PAN3: variants seen among roughly 807,000 people sequenced by gnomAD.
PAN3 encodes the protein PAN2-PAN3 deadenylation complex subunit PAN3.
A neutral mutation model predicts 96.2 loss-of-function variants in PAN3; 19 were observed. The ratio of observed to expected loss-of-function variants is 0.20; its 90% CI spans 0.14 to 0.29. The LOEUF (loss-of-function observed/expected upper bound fraction) is 0.29. Among genes scored for constraint, PAN3 ranks in the 10% least tolerant of loss-of-function variants. PAN3 has a pLI of 1.00. For synonymous variants in PAN3, 433 were observed against 406.6 expected (o/e 1.06, Z -0.78); for missense variants, 882 against 1,108.1 (o/e 0.80, Z 2.90).
chr13:28,144,738 T>C (rs1266149695), intron 1 of PAN3, among the ~76,000 whole-genome samples: 7 of 148,634 alleles, frequency 4.7e-5, no homozygotes, highest in Admixed American at 4.7e-4. Flanking sequence ...TTTTTTTTTT[T>C]TCCTCAGAGC....
intron 6 of PAN3, among the ~76,000 whole-genome samples, chr13:28,235,644 ATC>A (rs1883008637): frequency 6.6e-6 from 1 of 150,918 alleles, no homozygotes; most frequent in South Asian, 2.1e-4. Context: ...TGTGTTGAGT[ATC>A]TCATAATTTT....
chr13:28,214,192 A>G (rs1158741797), intron 5 of PAN3, among the ~76,000 whole-genome samples: 1 of 152,232 alleles, frequency 6.6e-6, no homozygotes, highest in African/African-American at 2.4e-5. Context: ...ATTCACTGCT[A>G]CGTTTTTAAC....
At chr13:28,163,966 G>A (rs1296852752) in intron 1 of PAN3, among the ~76,000 whole-genome samples, 2 of 152,004 alleles carry the variant, frequency 1.3e-5, no homozygotes, top group Admixed American at 6.6e-5. Context: ...AGTGGTGTGC[G>A]CCTGTAGTCC....
rs1886115743 is a variant in PAN3, at chr13:28,265,803, G to A, written c.1412-912G>A. Among the ~76,000 whole-genome samples, 2 of 21,702 alleles carry A rather than the reference G, an allele frequency of 9.2e-5. 1 individual carries two copies. Among genetic ancestry groups the A allele is most frequent in the Non-Finnish European group, 1.4e-4 (2 of 14,374 alleles). The allele number at this position is 21,702 out of a possible 152,430, so 14.2% of individuals were successfully genotyped here. The stretch of plus-strand genomic sequence containing the variant: ...CTGCGGACTGCAGTGGCGCAATCTC[G>A]GCTCACTGCAAGCTCCGCTTCCCGG... On this transcript the variant is annotated intron_variant, in intron 9 of 18. Coordinates refer to ENST00000380958, the MANE Select transcript of PAN3 (RefSeq NM_175854.8).
intron 1 of PAN3, among the ~76,000 whole-genome samples, chr13:28,154,137 C>G (rs1363459843): frequency 1.3e-5 from 2 of 152,142 alleles, no homozygotes; most frequent in Non-Finnish European, 2.9e-5. Flanking sequence ...TGTTGATATT[C>G]AAGTTTGTAG....
At chr13:28,142,236 A>G (rs749559371) in intron 1 of PAN3, among the ~76,000 whole-genome samples, 4 of 152,138 alleles carry the variant, frequency 2.6e-5, no homozygotes, top group Non-Finnish European at 4.4e-5. Context: ...TGGTAATTGT[A>G]TGGCTTTTTT....
At chr13:28,214,849 C>T (rs1880532354) in intron 5 of PAN3, 2 of 716,078 alleles carry the variant, frequency 2.8e-6, no homozygotes, top group South Asian at 2.8e-5. Context: ...GCTGACTGTG[C>T]TGTACTGATT....
chr13:28,278,552 A>C, intron 15 of PAN3, among the ~76,000 whole-genome samples: 1 of 152,284 alleles, frequency 6.6e-6, no homozygotes. Flanking sequence ...TCTATTATAA[A>C]TGTTTGAAAT....
At chr13:28,192,428 A>G (rs569116729) in intron 4 of PAN3, among the ~76,000 whole-genome samples, 1 of 152,310 alleles carries the variant, frequency 6.6e-6, no homozygotes, top group South Asian at 2.1e-4. Context: ...ACCTTCTGCT[A>G]ATGGTGAACT....
chr13:28,249,455 A>AT (rs530329855), intron 6 of PAN3, among the ~76,000 whole-genome samples: 1,603 of 147,792 alleles, frequency 0.011, 77 homozygotes, highest in Admixed American at 0.08. Context: ...GATTTTTATT[A>AT]TTTTTTTTTT....
At chr13:28,165,623 A>G (rs1055311422) in intron 1 of PAN3, among the ~76,000 whole-genome samples, 2 of 152,100 alleles carry the variant, frequency 1.3e-5, no homozygotes, top group African/African-American at 4.8e-5. Context: ...TGATTGTTCA[A>G]TTTCTTATTA....
At chr13:28,139,527 T>C (rs1869367392) in intron 1 of PAN3, among the ~76,000 whole-genome samples, 1 of 135,934 alleles carries the variant, frequency 7.4e-6, no homozygotes, top group Non-Finnish European at 1.6e-5. Flanking sequence ...TGTGTGTGTG[T>C]GTGTGTGTGT....
At chr13:28,226,229 TA>T in intron 6 of PAN3, among the ~76,000 whole-genome samples, 1 of 152,198 alleles carries the variant, frequency 6.6e-6, no homozygotes, top group Non-Finnish European at 1.5e-5. Context: ...ATATAATTAT[TA>T]AAAATAAAAA....
chr13:28,152,353 G>C (rs1262708837), intron 1 of PAN3, among the ~76,000 whole-genome samples: 2 of 152,134 alleles, frequency 1.3e-5, no homozygotes, highest in East Asian at 1.9e-4. Flanking sequence ...GGAAGGTGAG[G>C]GGGGTGGATC....
Position 28,261,442 on chromosome 13 carries a change from T to C in PAN3, c.1395T>C (p.Asp465=). The part of the protein sequence containing the change: ...NRHLITMAQI[D]QADMPAVPTE... ...ATTTAATAACAATGGCTCAAATTGA[T>C]CAAGCAGATATGCCAGGTAAAAAGC... Residue 465 remains aspartate, a synonymous_variant, in exon 9 of 19, where the codon GAT becomes GAC. Coordinates refer to ENST00000380958, the MANE Select transcript of PAN3 (RefSeq NM_175854.8). 1 of 1,610,922 alleles carries C rather than the reference T, an allele frequency of 6.2e-7. No individual in the cohort carries two copies. The highest frequency in any genetic ancestry group is 1.3e-5 in the African/African-American group (1 of 74,936).
At chr13:28,160,761 AGG>A (rs1872788769) in intron 1 of PAN3, among the ~76,000 whole-genome samples, 1 of 152,220 alleles carries the variant, frequency 6.6e-6, no homozygotes, top group South Asian at 2.1e-4. Context: ...AGAGTTTAAG[AGG>A]GAGAGATTGA....
At chr13:28,227,722 C>T (rs374000815) in intron 6 of PAN3, among the ~76,000 whole-genome samples, 4 of 151,966 alleles carry the variant, frequency 2.6e-5, no homozygotes, top group African/African-American at 7.3e-5. Context: ...GACAGTGGTG[C>T]GAAGTAGTAA....
intron 6 of PAN3, among the ~76,000 whole-genome samples, chr13:28,229,597 T>C (rs1882327043): frequency 6.6e-6 from 1 of 152,222 alleles, no homozygotes; most frequent in Non-Finnish European, 1.5e-5. Flanking sequence ...GAATTAGTTA[T>C]AACTTTTTGA....
chr13:28,282,265 C>A (rs1015168404), intron 17 of PAN3, among the ~76,000 whole-genome samples: 1 of 151,220 alleles, frequency 6.6e-6, no homozygotes, highest in Non-Finnish European at 1.5e-5. Flanking sequence ...TGACTATATA[C>A]GTAAGTTACA....
Sources: allele counts gnomAD v4.1 joint callset (sites outside exome capture counted in the v4.1 genomes callset), GRCh38; gene constraint gnomAD v4.1.1; transcripts MANE v1.5; gene names NCBI Gene and HGNC (gene_info 2026-07-23, HGNC 2026-07-21).